Variants in CTNNA3 observed in about 807,000 individuals in gnomAD.
The protein encoded by CTNNA3 is catenin alpha 3.
CTNNA3 carries 76 observed loss-of-function variants against 95.7 expected under a neutral mutation model. That is an observed-to-expected ratio of 0.79 (90% confidence interval 0.66 to 0.96). The LOEUF (loss-of-function observed/expected upper bound fraction) is 0.96. CTNNA3 is among the 40% of genes least tolerant of loss of function. The pLI is 0.00. For missense variants in CTNNA3, 1,191 were observed against 1,089.8 expected (o/e 1.09, Z -1.31); for synonymous variants, 431 against 374.4 (o/e 1.15, Z -1.74).
Position 66,579,983 on chromosome 10 carries a change from GCATTATAGTCCCATA to G in CTNNA3, c.1374+41694_1374+41708del, listed in dbSNP as rs1360197441. 2.0e-5 allele frequency among the ~76,000 whole-genome samples: 3 copies of G among 151,554 alleles called. No individual in the cohort carries two copies. In the Admixed American group the frequency reaches 2.0e-4, roughly 10 times the overall value. On this transcript the variant is annotated intron_variant, in intron 10 of 17. Transcript: ENST00000433211. ...TTTGGGCTTATCATGTTTGGGGTTT[GCATTATAGTCCCATA>G]CATTTCTGAGGTTGTGTTTTGTTTT...
chr10:67,035,530 T>C (rs1453650859), intron 7 of CTNNA3, among the ~76,000 whole-genome samples: 1 of 152,196 alleles, frequency 6.6e-6, no homozygotes. Flanking sequence ...TGTTTTTTAA[T>C]GTGAATCAGT....
intron 15 of CTNNA3, among the ~76,000 whole-genome samples, chr10:66,046,620 G>C (rs1411175993): frequency 6.6e-6 from 1 of 151,816 alleles, no homozygotes; most frequent in Non-Finnish European, 1.5e-5. Flanking sequence ...ACTAATATCA[G>C]AAGTTAAATG....
At chr10:66,624,615 C>T (rs1844869036) in intron 9 of CTNNA3, among the ~76,000 whole-genome samples, 1 of 151,912 alleles carries the variant, frequency 6.6e-6, no homozygotes, top group African/African-American at 2.4e-5. Context: ...TTATGTATGC[C>T]CTACTGAAAG....
At chr10:66,209,106 C>T (rs983546633) in intron 13 of CTNNA3, among the ~76,000 whole-genome samples, 4 of 152,080 alleles carry the variant, frequency 2.6e-5, no homozygotes, top group Non-Finnish European at 4.4e-5. Context: ...CTATATCTAA[C>T]CTGCCATTTA....
At chr10:66,688,537 T>G (rs951683555) in intron 9 of CTNNA3, among the ~76,000 whole-genome samples, 2 of 152,208 alleles carry the variant, frequency 1.3e-5, no homozygotes, top group African/African-American at 4.8e-5. Context: ...TGACATCTTC[T>G]CTGACACTAT....
chr10:66,062,724 C>T (rs2080228049), intron 15 of CTNNA3, among the ~76,000 whole-genome samples: 1 of 152,124 alleles, frequency 6.6e-6, no homozygotes, highest in African/African-American at 2.4e-5. Context: ...TACTACCCTT[C>T]CTTTATTGCA....
intron 10 of CTNNA3, among the ~76,000 whole-genome samples, chr10:66,555,386 T>C (rs1235175333): frequency 6.6e-6 from 1 of 152,128 alleles, no homozygotes; most frequent in African/African-American, 2.4e-5. Context: ...CCCAGTTACG[T>C]TTACACTTAA....
intron 10 of CTNNA3, among the ~76,000 whole-genome samples, chr10:66,613,827 T>TGG (rs1474964993): frequency 6.6e-6 from 1 of 152,076 alleles, no homozygotes; most frequent in Non-Finnish European, 1.5e-5. Flanking sequence ...ACATGATTCT[T>TGG]AAAGAATATG....
At chr10:66,417,591 A>G (rs1375263328) in intron 11 of CTNNA3, among the ~76,000 whole-genome samples, 1 of 152,078 alleles carries the variant, frequency 6.6e-6, no homozygotes, top group South Asian at 2.1e-4. Context: ...TTTCATAATC[A>G]TACAGAATAT....
intron 13 of CTNNA3, among the ~76,000 whole-genome samples, chr10:66,226,903 T>C (rs12218357): frequency 0.33 from 50,213 of 151,972 alleles, 8,584 homozygotes; most frequent in Admixed American, 0.42. Flanking sequence ...TTTGCTCATT[T>C]ATTGTGTATC....
chr10:67,622,252 G>A (rs1843870837), intron 2 of CTNNA3, among the ~76,000 whole-genome samples: 1 of 152,192 alleles, frequency 6.6e-6, no homozygotes, highest in South Asian at 2.1e-4. Context: ...GAGGGCAGGT[G>A]TATCTTGGCT....
In CTNNA3 at chr10:67,501,988, G is replaced by A. The variant is rs151163526; in HGVS notation, c.579+19854C>T. Among the ~76,000 whole-genome samples the A allele has an allele frequency of 2.3e-3, 344 of 152,158 alleles. 3 individuals are homozygous for A. Among genetic ancestry groups the A allele is most frequent in the East Asian group, 0.018 (93 of 5,174 alleles). On this transcript the variant is annotated intron_variant, in intron 5 of 17. Transcript: ENST00000433211. ...TGTCAATTTGTCAAACTTATTCTCC[G>A]TCCAGTTTTGTTCCCTTGCTGGTGA...
At chr10:66,104,725 TAGA>T (rs1564647589) in intron 13 of CTNNA3, among the ~76,000 whole-genome samples, 1 of 152,204 alleles carries the variant, frequency 6.6e-6, no homozygotes, top group Non-Finnish European at 1.5e-5. Flanking sequence ...AAAAACGAAG[TAGA>T]AGATGTCCTT....
chr10:66,999,862 T>C (rs1851576747), intron 7 of CTNNA3, among the ~76,000 whole-genome samples: 1 of 152,208 alleles, frequency 6.6e-6, no homozygotes, highest in African/African-American at 2.4e-5. Flanking sequence ...GTTTTCCTAA[T>C]AACAGCAATG....
intron 7 of CTNNA3, among the ~76,000 whole-genome samples, chr10:66,997,824 A>T (rs1299703582): frequency 6.6e-6 from 1 of 152,176 alleles, no homozygotes; most frequent in Non-Finnish European, 1.5e-5. Context: ...AACTATCCAC[A>T]AAATCACCCA....
At chr10:66,415,601 A>G (rs2093139929) in intron 11 of CTNNA3, among the ~76,000 whole-genome samples, 1 of 151,972 alleles carries the variant, frequency 6.6e-6, no homozygotes. Context: ...ATGAGCAGGC[A>G]CTCTCAGCCC....
intron 7 of CTNNA3, among the ~76,000 whole-genome samples, chr10:67,087,103 C>T (rs936399325): frequency 6.6e-6 from 1 of 152,058 alleles, no homozygotes; most frequent in East Asian, 1.9e-4. Flanking sequence ...ATCACTTTAC[C>T]TGGCAATAGT....
chr10:66,889,198 T>G (rs1845161657), intron 7 of CTNNA3, among the ~76,000 whole-genome samples: 1 of 152,164 alleles, frequency 6.6e-6, no homozygotes, highest in Admixed American at 6.5e-5. Flanking sequence ...TATAAATACA[T>G]CCAGCAGATG....
chr10:66,787,782 C>T (rs1840808554), intron 7 of CTNNA3, among the ~76,000 whole-genome samples: 1 of 152,184 alleles, frequency 6.6e-6, no homozygotes, highest in Admixed American at 6.5e-5. Flanking sequence ...ACATGTTTCA[C>T]CACATCCTTG....
Sources: allele counts gnomAD v4.1 joint callset (sites outside exome capture counted in the v4.1 genomes callset), GRCh38; gene constraint gnomAD v4.1.1; transcripts MANE v1.5; gene names NCBI Gene and HGNC (gene_info 2026-07-23, HGNC 2026-07-21).